Variants in C11orf65 observed in about 807,000 individuals in gnomAD.
C11orf65 encodes the protein chromosome 11 open reading frame 65.
In C11orf65, 38 loss-of-function variants were observed where a neutral mutation model predicts 35.3. That is an observed-to-expected ratio of 1.08 (90% CI 0.83 to 1.41). The LOEUF (loss-of-function observed/expected upper bound fraction) is 1.41, where lower values mean the gene tolerates loss of function less well. Ranked by LOEUF, C11orf65 falls within the 40% of genes most tolerant of loss-of-function variation. C11orf65 has a pLI of 0.00. For synonymous variants in C11orf65, 105 were observed against 114.4 expected, an observed-to-expected ratio of 0.92 and a Z score of 0.53; for missense variants, 370 against 367.1, an observed-to-expected ratio of 1.01 and a Z score of -0.06.
chr11:108,376,985 T>G (rs1565622712), intron 2 of C11orf65, among the ~76,000 whole-genome samples: 1 of 151,756 alleles, frequency 6.6e-6, no homozygotes, highest in African/African-American at 2.4e-5. Context: ...GTGGCAATAA[T>G]CAATAGCTTA....
intron 3 of C11orf65, among the ~76,000 whole-genome samples, chr11:108,416,914 A>G (rs1406188861): frequency 5.3e-5 from 8 of 152,224 alleles, no homozygotes; most frequent in African/African-American, 1.9e-4. Flanking sequence ...CAGCAAGAAT[A>G]TAAGTCAAAG....
chr11:108,453,331 A>T (rs938083789), intron 2 of C11orf65, among the ~76,000 whole-genome samples: 2 of 151,972 alleles, frequency 1.3e-5, no homozygotes, highest in African/African-American at 4.8e-5. Flanking sequence ...AAGGGAGGGG[A>T]AAATACAGGA....
intron 6 of C11orf65, chr11:108,325,181 A>T: frequency 1.5e-6 from 1 of 651,386 alleles, no homozygotes; most frequent in Non-Finnish European, 2.6e-6. Flanking sequence ...TACAAGTTCT[A>T]GTCTTGTCAC....
upstream of C11orf65, among the ~76,000 whole-genome samples, chr11:108,468,889 A>C (rs2135832641): frequency 6.6e-6 from 1 of 152,296 alleles, no homozygotes; most frequent in South Asian, 2.1e-4. Context: ...GGATCACTTG[A>C]GGTCAGGAGT....
intron 3 of C11orf65, among the ~76,000 whole-genome samples, chr11:108,430,053 T>C (rs2092962684): frequency 6.6e-6 from 1 of 151,904 alleles, no homozygotes; most frequent in Non-Finnish European, 1.5e-5. Context: ...AAAAGATTTA[T>C]GGAGATGGGT....
intron 2 of C11orf65, among the ~76,000 whole-genome samples, chr11:108,434,919 G>A (rs952774430): frequency 2.0e-5 from 3 of 152,170 alleles, no homozygotes; most frequent in Admixed American, 6.5e-5. Context: ...ATCTTACCTT[G>A]TTCCCAATCA....
chr11:108,386,934 A>T (rs927327104), intron 7 of C11orf65, among the ~76,000 whole-genome samples: 58 of 152,000 alleles, frequency 3.8e-4, no homozygotes, highest in Middle Eastern at 3.2e-3. Flanking sequence ...ACAAAAAATT[A>T]GCCAGGTGTG....
chr11:108,339,773 G>A (rs926907484), intron 2 of C11orf65, among the ~76,000 whole-genome samples: 28 of 152,090 alleles, frequency 1.8e-4, no homozygotes, highest in African/African-American at 6.0e-4. Context: ...TTGATAGAGA[G>A]TAATCAATGT....
At chr11:108,316,459 T>C (rs572373781) in intron 6 of C11orf65, among the ~76,000 whole-genome samples, 2 of 152,202 alleles carry the variant, frequency 1.3e-5, no homozygotes, top group African/African-American at 4.8e-5. Flanking sequence ...AAATCTTATG[T>C]AAACTATTTC....
chr11:108,309,183 CAA>C, intron 6 of C11orf65: 1 of 565,310 alleles, frequency 1.8e-6, no homozygotes, highest in Admixed American at 3.0e-5. Context: ...TGGGCAAAAA[CAA>C]AGAACAACAA....
chr11:108,360,215 C>G (rs1318121328), intron 2 of C11orf65, among the ~76,000 whole-genome samples: 26 of 150,110 alleles, frequency 1.7e-4, no homozygotes, highest in Middle Eastern at 3.4e-3. Context: ...ATAAATTCCT[C>G]GACACATACA....
chr11:108,400,772 A>C (rs1054760290), intron 6 of C11orf65, among the ~76,000 whole-genome samples: 4 of 152,158 alleles, frequency 2.6e-5, no homozygotes, highest in African/African-American at 9.7e-5. Context: ...TGTCATCTCC[A>C]GCCTTGTAAA....
At chr11:108,355,026 T>C (rs2089725203) in intron 2 of C11orf65, 2 of 661,708 alleles carry the variant, frequency 3.0e-6, no homozygotes, top group South Asian at 1.8e-5. Context: ...GCACTTAGCC[T>C]TTTCACACAT....
At chr11:108,441,679 G>A (rs2093156904) in intron 2 of C11orf65, among the ~76,000 whole-genome samples, 1 of 152,224 alleles carries the variant, frequency 6.6e-6, no homozygotes, top group African/African-American at 2.4e-5. Flanking sequence ...TTGCTGTTCT[G>A]CAGCCTCCGC....
Position 108,435,995 on chromosome 11 carries a change from G to A in C11orf65, c.82-4157C>T, listed in dbSNP as rs543106941. 1.1e-3 allele frequency among the ~76,000 whole-genome samples: 170 copies of A among 152,114 alleles called. 5 individuals are homozygous for A. In the South Asian group the frequency reaches 0.033, roughly 30 times the overall value. ...TCATTGGCCCAAGGTAATTGCAAGG[G>A]TCCGTATAAAGGACATAGAAGAGTC... On this transcript the variant is annotated intron_variant, in intron 2 of 8. Coordinates refer to ENST00000393084, the MANE Select transcript of C11orf65 (RefSeq NM_152587.5).
intron 3 of C11orf65, among the ~76,000 whole-genome samples, chr11:108,423,624 C>T (rs1002146781): frequency 6.6e-6 from 1 of 152,176 alleles, no homozygotes; most frequent in African/African-American, 2.4e-5. Context: ...GGAGACATCT[C>T]CCAGCAGGGG....
In C11orf65 at chr11:108,375,048, G is replaced by A. The variant is rs1040547249; in HGVS notation, c.226+18160C>T. The stretch of plus-strand genomic sequence containing the variant: ...AAAGTGATGGGGAGAATGGAACCAA[G>A]ATGGAAAACACTCTGCAGGATATTA... On this transcript the variant is annotated intron_variant, in intron 2 of 3. Transcript: ENST00000524755. Among the ~76,000 whole-genome samples, 205 of 152,316 alleles carry A rather than the reference G, an allele frequency of 1.3e-3. 1 individual carries two copies. The highest frequency in any genetic ancestry group is 4.9e-3 in the African/African-American group (202 of 41,568).
intron 2 of C11orf65, among the ~76,000 whole-genome samples, chr11:108,369,548 T>TTTTGCATAAATATAGTGGAGTCAAAG (rs2091488650): frequency 6.6e-6 from 1 of 152,194 alleles, no homozygotes; most frequent in Non-Finnish European, 1.5e-5. Context: ...ACAAAATGCA[T>TTTTGCATAAATATAGTGGAGTCAAAG]TTTGCATAAA....
At chr11:108,455,334 T>C (rs2093398884) in intron 2 of C11orf65, among the ~76,000 whole-genome samples, 1 of 152,154 alleles carries the variant, frequency 6.6e-6, no homozygotes, top group African/African-American at 2.4e-5. Context: ...TGATCTTATA[T>C]ACAGAAGACC....
Sources: gnomAD v4.1 joint callset for allele counts (sites outside exome capture counted in the v4.1 genomes callset) on GRCh38, gnomAD v4.1.1 for gene constraint, MANE v1.5 for transcripts, NCBI Gene and HGNC (gene_info 2026-07-23, HGNC 2026-07-21) for gene names.